Variants in RBFOX1 observed in about 807,000 individuals in gnomAD.
The protein encoded by RBFOX1 is RNA binding protein fox-1 homolog 1.
Under a neutral mutation model 57.7 loss-of-function variants are expected in RBFOX1, and 8 were observed. The ratio of observed to expected loss-of-function variants is 0.14; its 90% CI spans 0.08 to 0.25. The LOEUF is 0.25. Among genes scored for constraint, RBFOX1 ranks in the 10% least tolerant of loss-of-function variants. The pLI is 1.00. For missense variants in RBFOX1, 611 were observed against 548.5 expected, an observed-to-expected ratio of 1.11 and a Z score of -1.14; for synonymous variants, 326 against 222.4, an observed-to-expected ratio of 1.47 and a Z score of -4.15.
intron 3 of RBFOX1, among the ~76,000 whole-genome samples, chr16:5,724,478 G>A (rs574390392): frequency 6.0e-4 from 91 of 152,160 alleles, no homozygotes; most frequent in African/African-American, 2.2e-3. Context: ...GGAGGGACTC[G>A]GAGCCAGACT....
At chr16:5,502,594 G>T (rs1033106281) in intron 2 of RBFOX1, among the ~76,000 whole-genome samples, 3 of 152,200 alleles carry the variant, frequency 2.0e-5, no homozygotes, top group Non-Finnish European at 2.9e-5. Context: ...GGCAGCGAGA[G>T]GGGAGAAAAT....
intron 3 of RBFOX1, among the ~76,000 whole-genome samples, chr16:6,852,870 G>C (rs1480937251): frequency 6.6e-6 from 1 of 152,086 alleles, no homozygotes; most frequent in African/African-American, 2.4e-5. Context: ...GTCCAGGTGA[G>C]GTGCATGCTG....
chr16:5,946,981 G>GT lies in RBFOX1; in HGVS notation c.351+79647dup, dbSNP rs1425180102. Among the ~76,000 whole-genome samples, 1 of 152,216 alleles carries GT rather than the reference G, an allele frequency of 6.6e-6. No individual in the cohort carries two copies. Among genetic ancestry groups the GT allele is most frequent in the Non-Finnish European group, 1.5e-5 (1 of 68,040 alleles). ...AATCCTAGCACTTAGGGAGGCAGAA[G>GT]TAGGAGGATTGCTTGAGGCCAGGAG... On this transcript the variant is annotated intron_variant, in intron 4 of 19. Transcript: ENST00000641259. The surrounding 1 kb of genome is among the most constrained non-coding windows in gnomAD (Gnocchi z 4.6).
intron 2 of RBFOX1, among the ~76,000 whole-genome samples, chr16:6,646,350 A>G (rs2098534842): frequency 6.6e-6 from 1 of 152,194 alleles, no homozygotes; most frequent in African/African-American, 2.4e-5. Context: ...CAAACTAACA[A>G]TATCATCTAA....
intron 4 of RBFOX1, among the ~76,000 whole-genome samples, chr16:7,063,068 C>T (rs757963615): frequency 1.5e-4 from 23 of 151,946 alleles, no homozygotes; most frequent in Admixed American, 6.6e-5. Flanking sequence ...CTTCATCATA[C>T]CCTGCAATGC....
chr16:5,833,494 CAAAAAAAAAAAAAAAA>C, intron 3 of RBFOX1, among the ~76,000 whole-genome samples: 1 of 59,556 alleles, frequency 1.7e-5, no homozygotes, highest in South Asian at 6.2e-4. Flanking sequence ...GACTCTATCT[CAAAAAAAAAAAAAAAA>C]AAAAAGAAAG....
intron 4 of RBFOX1, among the ~76,000 whole-genome samples, chr16:6,007,472 C>T (rs560001750): frequency 1.3e-5 from 2 of 152,270 alleles, no homozygotes; most frequent in South Asian, 4.1e-4. Context: ...GAAACTGCAG[C>T]CACAGTTGAC....
chr16:5,377,261 G>C (rs2066009927), intron 1 of RBFOX1, among the ~76,000 whole-genome samples: 1 of 151,530 alleles, frequency 6.6e-6, no homozygotes, highest in Admixed American at 6.5e-5. Context: ...ACGAGGAGTA[G>C]GGTAAGTGCT....
chr16:7,500,313 G>T (rs1320518185), intron 4 of RBFOX1, among the ~76,000 whole-genome samples: 1 of 152,168 alleles, frequency 6.6e-6, no homozygotes, highest in Non-Finnish European at 1.5e-5. Flanking sequence ...TACTTACAAA[G>T]TAGTAGGAAC....
At position 6,610,005 on chromosome 16, in the gene RBFOX1, C is replaced by CACAAAACAAAACAAAACAAA. The variant is rs71145259; in HGVS notation, c.-63-44576_-63-44557dup. Among the ~76,000 whole-genome samples, 8 of 145,476 alleles carry CACAAAACAAAACAAAACAAA rather than the reference C, an allele frequency of 5.5e-5. No individual in the cohort carries two copies. In the South Asian group the frequency reaches 6.7e-4, roughly 12 times the overall value. On this transcript the variant is annotated intron_variant, in intron 2 of 15. Coordinates refer to ENST00000550418, the MANE Select transcript of RBFOX1 (RefSeq NM_018723.4). ...GCCTGGCAGTAGTGTGAGGCTCTGA[C>CACAAAACAAAACAAAACAAA]ACAAAACAAAACAAAACAAAACAAA...
chr16:7,008,000 A>C (rs1051378730), intron 3 of RBFOX1, among the ~76,000 whole-genome samples: 1 of 152,186 alleles, frequency 6.6e-6, no homozygotes, highest in African/African-American at 2.4e-5. Context: ...TAAAACCAGT[A>C]TAATGTTGGG....
intron 3 of RBFOX1, among the ~76,000 whole-genome samples, chr16:5,636,287 G>A (rs923378247): frequency 3.3e-5 from 5 of 152,210 alleles, no homozygotes; most frequent in Non-Finnish European, 7.3e-5. Context: ...GGTGGAAGTT[G>A]CAGTGAGCCA....
At chr16:5,618,336 T>TGTG (rs1296917681) in intron 3 of RBFOX1, among the ~76,000 whole-genome samples, 1 of 93,316 alleles carries the variant, frequency 1.1e-5, no homozygotes, top group Non-Finnish European at 3.2e-5. Context: ...CAGATTTTTT[T>TGTG]TTTTTGTGTG....
chr16:6,610,707 G>T (rs79875458), intron 2 of RBFOX1, among the ~76,000 whole-genome samples: 26 of 152,144 alleles, frequency 1.7e-4, no homozygotes, highest in Admixed American at 6.6e-5. Flanking sequence ...ATCAGATTGC[G>T]AAGTGGTCTT....
intron 4 of RBFOX1, among the ~76,000 whole-genome samples, chr16:7,099,220 G>C (rs370855520): frequency 6.6e-6 from 1 of 152,178 alleles, no homozygotes; most frequent in Admixed American, 6.5e-5. Context: ...CTGCATACGT[G>C]TGGATGTAGA....
At chr16:6,785,928 C>T (rs555679018) in intron 3 of RBFOX1, among the ~76,000 whole-genome samples, 1 of 152,312 alleles carries the variant, frequency 6.6e-6, no homozygotes, top group South Asian at 2.1e-4. Flanking sequence ...GACTGAGGAA[C>T]CTTGTGTACA....
intron 3 of RBFOX1, among the ~76,000 whole-genome samples, chr16:6,984,555 G>C (rs1265418536): frequency 6.6e-6 from 1 of 152,166 alleles, no homozygotes; most frequent in East Asian, 1.9e-4. Flanking sequence ...GCAGCCCATT[G>C]AGTTCCGGAT....
intron 3 of RBFOX1, among the ~76,000 whole-genome samples, chr16:5,676,172 A>G (rs143550229): frequency 0.021 from 3,267 of 152,154 alleles, 109 homozygotes; most frequent in African/African-American, 0.074. Context: ...ATGGGTTGAT[A>G]GGTGTAGCAA....
intron 4 of RBFOX1, among the ~76,000 whole-genome samples, chr16:7,109,157 C>T (rs2064166136): frequency 6.6e-6 from 1 of 152,104 alleles, no homozygotes; most frequent in Admixed American, 6.5e-5. Context: ...ACTGGATTTT[C>T]AGTTTTGGAA....
Sources: allele counts gnomAD v4.1 joint callset (sites outside exome capture counted in the v4.1 genomes callset), GRCh38; gene constraint gnomAD v4.1.1; non-coding constraint Gnocchi (gnomAD v3.1); transcripts MANE v1.5; gene names NCBI Gene and HGNC (gene_info 2026-07-23, HGNC 2026-07-21).